The following ZNF141 variants were observed in gnomAD, a reference collection of about 807,000 sequenced individuals.
The protein encoded by ZNF141 is zinc finger protein 141.
ZNF141 carries 7 observed loss-of-function variants against 11.3 expected under a neutral mutation model. The observed-to-expected ratio is 0.62, with a 90% CI of 0.35 to 1.16. The LOEUF is 1.16. Among genes scored for constraint, ZNF141 ranks in the 50% most tolerant of loss-of-function variants. The pLI is 0.02. For synonymous variants in ZNF141, 183 were observed against 190.7 expected (o/e 0.96, Z 0.33); for missense variants, 535 against 554.0 (o/e 0.97, Z 0.34).
intron 3 of ZNF141, among the ~76,000 whole-genome samples, chr4:372,340 C>G (rs913577876): frequency 1.3e-5 from 2 of 152,228 alleles, no homozygotes; most frequent in Admixed American, 1.3e-4. Flanking sequence ...GTTGATACTT[C>G]ACTCCTAATG....
Position 377,423 on chromosome 4 carries a change from T to C in ZNF141, c.*3561T>C, listed in dbSNP as rs1712422904. 6.6e-6 allele frequency among the ~76,000 whole-genome samples: 1 copy of C among 152,222 alleles called. No homozygotes were observed. Among genetic ancestry groups the C allele is most frequent in the South Asian group, 2.1e-4 (1 of 4,832 alleles). Reference sequence around the variant, plus strand: ...TTCTCAGGCTGCAGAACCAACTCATTATGAATGTAAAGAGGATTTCTTTTC... The same window carrying C: ...TTCTCAGGCTGCAGAACCAACTCATCATGAATGTAAAGAGGATTTCTTTTC... On this transcript the variant is annotated 3_prime_UTR_variant, in exon 4 of 4. Coordinates refer to ENST00000240499, the MANE Select transcript of ZNF141 (RefSeq NM_003441.4).
chr4:347,569 G>A (rs1721395453), intron 3 of ZNF141, among the ~76,000 whole-genome samples: 1 of 150,514 alleles, frequency 6.6e-6, no homozygotes, highest in Admixed American at 6.6e-5. Flanking sequence ...TTGGTCTCCT[G>A]ATCTCATGAT....
intron 3 of ZNF141, among the ~76,000 whole-genome samples, chr4:364,942 A>C (rs1711666461): frequency 6.6e-6 from 1 of 152,250 alleles, no homozygotes; most frequent in Non-Finnish European, 1.5e-5. Context: ...CAGAGGTGGA[A>C]TCTACAGAGG....
chr4:366,584 G>C (rs1253512625), intron 3 of ZNF141, among the ~76,000 whole-genome samples: 2 of 152,232 alleles, frequency 1.3e-5, no homozygotes, highest in Non-Finnish European at 2.9e-5. Flanking sequence ...TTACAGGCGT[G>C]AGCCACCACA....
intron 3 of ZNF141, among the ~76,000 whole-genome samples, chr4:367,906 A>G (rs932821282): frequency 3.9e-5 from 6 of 152,170 alleles, no homozygotes; most frequent in Non-Finnish European, 8.8e-5. Context: ...ACATAGGTAT[A>G]CACGTGCCAT....
At chr4:369,754 A>G (rs868930475) in intron 3 of ZNF141, among the ~76,000 whole-genome samples, 1 of 35,498 alleles carries the variant, frequency 2.8e-5, no homozygotes, top group Non-Finnish European at 5.0e-5. Flanking sequence ...ATATATATAT[A>G]TATATATATA....
At chr4:349,457 C>T (rs1721489453) in intron 3 of ZNF141, among the ~76,000 whole-genome samples, 1 of 152,130 alleles carries the variant, frequency 6.6e-6, no homozygotes, top group Admixed American at 6.5e-5. Context: ...TTCTCCTTTT[C>T]CTTGTCTAAT....
In ZNF141 at chr4:375,583, A is replaced by G. The variant is rs1295271490; in HGVS notation, c.*1721A>G. ...ACTGCAGTAAATCAGAGTATTAAGTATTAAAAAAATCCAAAGTTGAACCTA... is the reference window on the plus strand; with the variant it reads ...ACTGCAGTAAATCAGAGTATTAAGTGTTAAAAAAATCCAAAGTTGAACCTA... On this transcript the variant is annotated 3_prime_UTR_variant, in exon 4 of 4. Coordinates refer to ENST00000240499, the MANE Select transcript of ZNF141 (RefSeq NM_003441.4). Among the ~76,000 whole-genome samples the G allele has an allele frequency of 6.6e-6, 1 of 152,116 alleles. No individual in the cohort carries two copies. Among genetic ancestry groups the G allele is most frequent in the Non-Finnish European group, 1.5e-5 (1 of 67,932 alleles).
chr4:365,664 A>G (rs182587888), intron 3 of ZNF141, among the ~76,000 whole-genome samples: 2 of 152,258 alleles, frequency 1.3e-5, no homozygotes, highest in East Asian at 3.9e-4. Flanking sequence ...CATTTGCATA[A>G]TGTTACTTCT....
chr4:372,360 T>C (rs1712109999), intron 3 of ZNF141, among the ~76,000 whole-genome samples: 2 of 152,232 alleles, frequency 1.3e-5, no homozygotes, highest in African/African-American at 4.8e-5. Flanking sequence ...GGCACAGTGC[T>C]ATATTGGGGA....
intron 3 of ZNF141, among the ~76,000 whole-genome samples, chr4:372,446 C>G (rs1553853688): frequency 6.6e-6 from 1 of 152,122 alleles, no homozygotes; most frequent in South Asian, 2.1e-4. Flanking sequence ...TTTTGCTTAC[C>G]TGAGGCATTG....
At position 371,786 on chromosome 4, in the gene ZNF141, C is replaced by T. The variant is rs192532698; in HGVS notation, c.227-878C>T. 8.3e-3 allele frequency among the ~76,000 whole-genome samples: 1,264 copies of T among 151,852 alleles called. 11 individuals carry two copies. Among genetic ancestry groups the T allele is most frequent in the African/African-American group, 0.028 (1,154 of 41,392 alleles). The stretch of plus-strand genomic sequence containing the variant: ...CTATCTCCTGACCTCGTGATCCACC[C>T]GCCTCAGCCTCCCAAAGTGCTGGGA... On this transcript the variant is annotated intron_variant, in intron 3 of 3. Coordinates refer to ENST00000240499, the MANE Select transcript of ZNF141 (RefSeq NM_003441.4).
intron 3 of ZNF141, among the ~76,000 whole-genome samples, chr4:363,408 A>G (rs1267364336): frequency 5.9e-5 from 9 of 152,100 alleles, no homozygotes; most frequent in African/African-American, 1.9e-4. Flanking sequence ...TTCCAACACT[A>G]TGTTGAATAG....
Position 379,592 on chromosome 4 carries a change from C to T in ZNF141, c.*5730C>T, listed in dbSNP as rs989380569. Among the ~76,000 whole-genome samples the T allele has an allele frequency of 6.6e-6, 1 of 152,110 alleles. No individual in the cohort carries two copies. Among genetic ancestry groups the T allele is most frequent in the Non-Finnish European group, 1.5e-5 (1 of 68,030 alleles). ...GTTTGACTATGTTGGCCAGGCTGGT[C>T]TCAAACTCCTGACCCTGTGATCCTG... On this transcript the variant is annotated 3_prime_UTR_variant, in exon 4 of 4. Transcript: ENST00000240499.
chr4:372,525 A>G, intron 3 of ZNF141, 139 bp from the exon 4 acceptor site: 1 of 678,126 alleles, frequency 1.5e-6, no homozygotes, highest in East Asian at 2.9e-5. Flanking sequence ...CTACATGTAT[A>G]TGTCTGTGAA....
intron 1 of ZNF141, chr4:338,256 C>G (rs1382825020): frequency 4.8e-6 from 2 of 418,694 alleles, no homozygotes; most frequent in African/African-American, 4.2e-5. Context: ...GGAAGCCGCC[C>G]GCGCGGCGTG....
intron 1 of ZNF141, chr4:342,735 G>A (rs1019242409): frequency 4.6e-5 from 59 of 1,272,358 alleles, no homozygotes; most frequent in Non-Finnish European, 6.6e-5. Flanking sequence ...CATTGTTCTG[G>A]GTGAAAAGTC....
intron 1 of ZNF141, chr4:338,640 A>T (rs1720905908): frequency 6.5e-6 from 1 of 153,046 alleles, no homozygotes; most frequent in Admixed American, 6.5e-5. Flanking sequence ...ATATTATTGA[A>T]CTTGAGGAGG....
intron 3 of ZNF141, among the ~76,000 whole-genome samples, chr4:369,764 A>ATATATATATATTTTTTTTTTT: frequency 6.2e-5 from 3 of 48,724 alleles, no homozygotes; most frequent in Non-Finnish European, 9.2e-5. Flanking sequence ...ATATATATAT[A>ATATATATATATTTTTTTTTTT]TTTTTTTTTT....
Sources: allele counts gnomAD v4.1 joint callset (sites outside exome capture counted in the v4.1 genomes callset), GRCh38; gene constraint gnomAD v4.1.1; transcripts MANE v1.5; gene names NCBI Gene and HGNC (gene_info 2026-07-23, HGNC 2026-07-21).